VPS13A: variants seen among roughly 807,000 people sequenced by gnomAD.
The protein encoded by VPS13A is vacuolar protein sorting 13 homolog A.
Under a neutral mutation model 390.9 loss-of-function variants are expected in VPS13A, and 264 were observed. The observed-to-expected ratio is 0.68, with a 90% confidence interval of 0.61 to 0.75. VPS13A has a LOEUF of 0.75. Among genes scored for constraint, VPS13A ranks in the 30% least tolerant of loss-of-function variants. VPS13A has a pLI of 0.00. For missense variants in VPS13A, 3,409 were observed against 3,733.9 expected (o/e 0.91, Z 2.27); for synonymous variants, 1,231 against 1,227.1 (o/e 1.00, Z -0.07).
At chr9:77,278,308 C>T (rs1183354444) in intron 26 of VPS13A, among the ~76,000 whole-genome samples, 2 of 147,452 alleles carry the variant, frequency 1.4e-5, no homozygotes, top group African/African-American at 2.5e-5. Context: ...CTCCTGACCT[C>T]GTGATCCGCC....
chr9:77,294,764 G>A (rs141296392), intron 32 of VPS13A, among the ~76,000 whole-genome samples: 1 of 152,262 alleles, frequency 6.6e-6, no homozygotes, highest in African/African-American at 2.4e-5. Flanking sequence ...GAGTGCAGTG[G>A]CGTGCTCCTA....
In VPS13A at chr9:77,212,916, G is replaced by A. The variant is rs529573724; in HGVS notation, c.556-53G>A. The A allele has an allele frequency of 1.1e-5, 17 of 1,564,718 alleles. No individual in the cohort carries two copies. In the Admixed American group the frequency reaches 2.3e-4, roughly 22 times the overall value. On this transcript the variant is annotated intron_variant, in intron 7 of 71. Transcript: ENST00000360280. ...ATGGTAGATAATGATTTATTACTCT[G>A]CTGTTTCAAATGGAATGACCTTTTT... is the stretch of plus-strand genomic sequence containing the variant.
At chr9:77,344,049 G>A in intron 50 of VPS13A, 104 bp from the exon 51 acceptor site, 1 of 1,138,396 alleles carries the variant, frequency 8.8e-7, no homozygotes, top group Non-Finnish European at 1.2e-6. Context: ...GTTAAAACAG[G>A]TTTTTTTATA....
intron 39 of VPS13A, 56 bp downstream of exon 39, chr9:77,316,462 A>G: frequency 1.3e-6 from 2 of 1,509,884 alleles, no homozygotes; most frequent in Non-Finnish European, 1.8e-6. Context: ...TGTAGTGTAT[A>G]CCATTTTAGG....
intron 67 of VPS13A, among the ~76,000 whole-genome samples, chr9:77,374,076 A>G (rs114289470): frequency 0.014 from 2,205 of 152,290 alleles, 51 homozygotes; most frequent in African/African-American, 0.05. Context: ...TTTTTATGAA[A>G]TGAAGAATGG....
rs1835239745 is a variant in VPS13A at position 77,418,463 on chromosome 9, T to C, written c.*2457T>C. 1 of 152,202 alleles carries C rather than the reference T, an allele frequency of 6.6e-6. No homozygotes were observed. The highest frequency in any genetic ancestry group is 2.1e-4 in the South Asian group (1 of 4,824). 9.4% of individuals were successfully genotyped at this position (152,202 alleles called of 1,614,324 possible). ...TCTGGTACTTGTGATCAAAAGCAGC[T>C]TGTGATTTCTTCACATTTGCAAAAT... On this transcript the variant is annotated 3_prime_UTR_variant, in exon 72 of 72. Coordinates refer to ENST00000360280, the MANE Select transcript of VPS13A (RefSeq NM_033305.3).
intron 19 of VPS13A, among the ~76,000 whole-genome samples, chr9:77,245,391 C>T (rs1824747038): frequency 6.6e-6 from 1 of 152,162 alleles, no homozygotes; most frequent in Admixed American, 6.5e-5. Flanking sequence ...CAGATTGACC[C>T]TTCTGGATGC....
intron 71 of VPS13A, 113 bp downstream of exon 71, chr9:77,407,720 T>C: frequency 1.1e-6 from 1 of 887,206 alleles, no homozygotes; most frequent in Non-Finnish European, 1.8e-6. Context: ...TTGTTTGTTT[T>C]GCTTTTGTGT....
At chr9:77,273,149 T>G in intron 23 of VPS13A, 131 bp from the exon 24 acceptor site, 1 of 690,106 alleles carries the variant, frequency 1.4e-6, no homozygotes, top group South Asian at 1.9e-5. Context: ...TTAAACCTGA[T>G]TATCTTCTCA....
rs772183504 is a variant in VPS13A at position 77,392,811 on chromosome 9, T to C, written c.9190-10425T>C. On this transcript the variant is annotated intron_variant, in intron 68 of 71. Coordinates refer to ENST00000360280, the MANE Select transcript of VPS13A (RefSeq NM_033305.3). ...CACACCTTAATTTAAAAATACATAA[T>C]TGCTAAAAAAAAAAAAAAATCCTGA... Among the ~76,000 whole-genome samples the C allele has an allele frequency of 1.2e-3, 151 of 122,430 alleles. 4 individuals are homozygous for C. The highest frequency in any genetic ancestry group is 2.1e-3 in the Non-Finnish European group (124 of 58,534). 80.3% of individuals were successfully genotyped at this position (122,430 alleles called of 152,430 possible). A position where few individuals can be genotyped will look rare whatever the true frequency, so the allele number is the denominator to read the frequency against.
At chr9:77,257,446 G>C (rs1489996519) in intron 22 of VPS13A, among the ~76,000 whole-genome samples, 2 of 151,880 alleles carry the variant, frequency 1.3e-5, no homozygotes, top group African/African-American at 4.8e-5. Context: ...TGTTGCCCAG[G>C]CTATAACAGC....
rs561866200 is a variant in VPS13A at position 77,181,877 on chromosome 9, T to C, written c.100+4073T>C. On this transcript the variant is annotated intron_variant, in intron 1 of 71. Coordinates refer to ENST00000360280, the MANE Select transcript of VPS13A (RefSeq NM_033305.3). The stretch of plus-strand genomic sequence containing the variant: ...ACTGGGTTCAATACAGTAAGTAGAC[T>C]CACTGCTAGAAGACTCTGTCTTACA... Among the ~76,000 whole-genome samples, 4 of 152,294 alleles carry C rather than the reference T, an allele frequency of 2.6e-5. No homozygotes were observed. In the East Asian group the frequency reaches 7.7e-4, roughly 29 times the overall value.
At chr9:77,200,018 G>C (rs1413685233) in intron 2 of VPS13A, 30 bp downstream of exon 2, 1 of 1,554,792 alleles carries the variant, frequency 6.4e-7, no homozygotes, top group East Asian at 2.3e-5. Context: ...AATTTGTAAA[G>C]TTATTGCATT....
intron 71 of VPS13A, among the ~76,000 whole-genome samples, chr9:77,412,477 GA>G (rs1379204899): frequency 6.6e-6 from 1 of 152,168 alleles, no homozygotes; most frequent in Non-Finnish European, 1.5e-5. Context: ...CATATAAACA[GA>G]ACCAATGACA....
chr9:77,336,152 A>G (rs1189731857), intron 46 of VPS13A, among the ~76,000 whole-genome samples: 1 of 152,170 alleles, frequency 6.6e-6, no homozygotes, highest in Non-Finnish European at 1.5e-5. Flanking sequence ...GAGTTGAACA[A>G]GGAGAACACA....
chr9:77,282,012 A>G, intron 28 of VPS13A, 86 bp downstream of exon 28: 6 of 1,369,350 alleles, frequency 4.4e-6, no homozygotes, highest in Middle Eastern at 4.6e-4. Flanking sequence ...CCTTAAAGAT[A>G]AGAAAATATT....
intron 23 of VPS13A, among the ~76,000 whole-genome samples, chr9:77,270,667 G>C (rs149111356): frequency 6.6e-6 from 1 of 152,062 alleles, no homozygotes; most frequent in East Asian, 1.9e-4. Flanking sequence ...CTCCAGCCTG[G>C]GTGACAGAAG....
intron 68 of VPS13A, among the ~76,000 whole-genome samples, chr9:77,396,373 T>C (rs1384161876): frequency 6.6e-6 from 1 of 152,158 alleles, no homozygotes; most frequent in East Asian, 1.9e-4. Flanking sequence ...AGATAGCATA[T>C]TAGCATGGGA....
Position 77,252,368 on chromosome 9 carries a change from T to C in VPS13A, c.2288+16T>C. ...GGATGCCCAAGTATGTACTGTTTGT[T>C]TCATGTGAATATGGATTTTCTGGGT... On this transcript the variant is annotated intron_variant, in intron 22 of 71. Transcript: ENST00000360280. 1 of 1,583,262 alleles carries C rather than the reference T, an allele frequency of 6.3e-7. No individual in the cohort carries two copies. Among genetic ancestry groups the C allele is most frequent in the Non-Finnish European group, 8.7e-7 (1 of 1,152,036 alleles).
Sources: gnomAD v4.1 joint callset for allele counts (sites outside exome capture counted in the v4.1 genomes callset) on GRCh38, gnomAD v4.1.1 for gene constraint, MANE v1.5 for transcripts, NCBI Gene and HGNC (gene_info 2026-07-23, HGNC 2026-07-21) for gene names.